MMP11: variants seen among roughly 807,000 people sequenced by gnomAD.
The protein encoded by MMP11 is stromelysin-3.
A neutral mutation model predicts 49.5 loss-of-function variants in MMP11; 26 were observed. The observed-to-expected ratio is 0.52, with a 90% CI of 0.38 to 0.73. The LOEUF (loss-of-function observed/expected upper bound fraction) is 0.73. MMP11 is among the 30% of genes least tolerant of loss of function. MMP11 has a pLI of 0.00. For synonymous variants in MMP11, 265 were observed against 282.3 expected (o/e 0.94, Z 0.62); for missense variants, 624 against 671.2 (o/e 0.93, Z 0.78).
At chr22:23,778,537 G>C (rs1927495393) in intron 1 of MMP11, among the ~76,000 whole-genome samples, 1 of 152,214 alleles carries the variant, frequency 6.6e-6, no homozygotes, top group Non-Finnish European at 1.5e-5. Context: ...CAGTGGCCAG[G>C]TGCCTTCCCG....
chr22:23,781,707 C>A, intron 6 of MMP11: 2 of 652,944 alleles, frequency 3.1e-6, no homozygotes, highest in South Asian at 1.6e-5. Flanking sequence ...GCCTCTGGGG[C>A]CCCGAGGCAG....
At chr22:23,781,472 G>A in intron 6 of MMP11, 63 bp downstream of exon 6, 1 of 1,453,774 alleles carries the variant, frequency 6.9e-7, no homozygotes, top group East Asian at 2.5e-5. Context: ...ATGGCCAAGG[G>A]CAGGAACAGA....
intron 7 of MMP11, 58 bp from the exon 8 acceptor site, chr22:23,783,353 C>T: frequency 6.2e-7 from 1 of 1,600,112 alleles, no homozygotes; most frequent in Non-Finnish European, 8.6e-7. Flanking sequence ...CACAGCCTGA[C>T]AGGCAGGAGT....
rs1440090930 is a variant in MMP11, at chr22:23,779,080, C to T, written c.109-107C>T. Reference sequence around the variant, plus strand: ...CTTTCCCTCTCCATTTGCCCAGCCACACAGTGGGCTGGGGTTGCACGTGTG... The same window carrying T: ...CTTTCCCTCTCCATTTGCCCAGCCATACAGTGGGCTGGGGTTGCACGTGTG... On this transcript the variant is annotated intron_variant, in intron 1 of 7. Transcript: ENST00000215743. 5 of 885,726 alleles carry T rather than the reference C, an allele frequency of 5.6e-6. 1 individual carries two copies. The highest frequency in any genetic ancestry group is 3.3e-5 in the African/African-American group (2 of 60,742). 54.9% of individuals were successfully genotyped at this position (885,726 alleles called of 1,614,324 possible). A position where few individuals can be genotyped will look rare whatever the true frequency, so the allele number is the denominator to read the frequency against.
intron 2 of MMP11, chr22:23,779,696 C>CA (rs1221355737): frequency 5.8e-6 from 3 of 519,468 alleles, no homozygotes; most frequent in Non-Finnish European, 1.0e-5. Context: ...TTCAGTCACT[C>CA]AGGCAGCCTT....
Position 23,780,347 on chromosome 22 carries a change from A to G in MMP11, c.339-12A>G. The G allele has an allele frequency of 6.2e-7, 1 of 1,612,362 alleles. No individual in the cohort carries two copies. The highest frequency in any genetic ancestry group is 8.5e-7 in the Non-Finnish European group (1 of 1,180,004). On this transcript the variant is annotated splice_polypyrimidine_tract_variant and intron_variant, in intron 2 of 7. Coordinates refer to ENST00000215743, the MANE Select transcript of MMP11 (RefSeq NM_005940.5). This position sits in a 1 kb window ranked among gnomAD's most constrained non-coding sequence, Gnocchi z 4.6. ...CCTTCCCTGAGGCCCAGGCCCCTCC[A>G]TCTCCCTCCAGGATCCTTCGGTTCC...
Position 23,780,921 on chromosome 22 carries a change from A to G in MMP11, c.679A>G (p.Thr227Ala), listed in dbSNP as rs1927597698. ...FGHVLGLQHT[T>A]AAKALMSAFY... ...CCACGTGCTGGGGCTGCAGCACACAACAGCAGCCAAGGCCCTGATGTCCGC... is the reference window on the plus strand; with the variant it reads ...CCACGTGCTGGGGCTGCAGCACACAGCAGCAGCCAAGGCCCTGATGTCCGC... Residue 227 changes from threonine to alanine, a missense_variant, in exon 5 of 8, where the codon ACA becomes GCA. Physicochemically the swap from Thr to Ala is moderately conservative, Grantham distance 58 (BLOSUM62 0). Coordinates refer to ENST00000215743, the MANE Select transcript of MMP11 (RefSeq NM_005940.5). This position sits in a 1 kb window ranked among gnomAD's most constrained non-coding sequence, Gnocchi z 4.6. The G allele has an allele frequency of 1.2e-6, 2 of 1,613,886 alleles. No individual in the cohort carries two copies. Among genetic ancestry groups the G allele is most frequent in the Non-Finnish European group, 1.7e-6 (2 of 1,179,980 alleles).
chr22:23,783,272 T>A, intron 7 of MMP11, 139 bp from the exon 8 acceptor site: 1 of 1,017,626 alleles, frequency 9.8e-7, no homozygotes, highest in Non-Finnish European at 1.4e-6. Flanking sequence ...CCCTGGATCC[T>A]GCAGGACTCG....
chr22:23,779,163 C>A lies in MMP11; in HGVS notation c.109-24C>A. On this transcript the variant is annotated intron_variant, in intron 1 of 7. Coordinates refer to ENST00000215743, the MANE Select transcript of MMP11 (RefSeq NM_005940.5). The stretch of plus-strand genomic sequence containing the variant: ...CATGTGGACCTTAGGCCTGACCAGA[C>A]CCTCATGTCATCCTCCTGCCTAGGA... The A allele has an allele frequency of 1.9e-6, 3 of 1,542,288 alleles. No individual in the cohort carries two copies. The South Asian group carries it at 3.5e-5, about 18-fold the overall frequency.
chr22:23,782,490 T>G lies in MMP11; in HGVS notation c.1333+7T>G. The G allele has an allele frequency of 6.2e-7, 1 of 1,601,662 alleles. No homozygotes were observed. Among genetic ancestry groups the G allele is most frequent in the East Asian group, 2.2e-5 (1 of 44,498 alleles). On this transcript the variant is annotated splice_region_variant and intron_variant, in intron 7 of 7. Coordinates refer to ENST00000215743, the MANE Select transcript of MMP11 (RefSeq NM_005940.5). The stretch of plus-strand genomic sequence containing the variant: ...GCCTTCCAGGATGCTGATGGTGCGT[T>G]GGGGGTGAGGCAGCTGGTGGGAGGT...
Position 23,784,212 on chromosome 22 carries a change from G to A in MMP11, c.*668G>A, listed in dbSNP as rs947932711. The A allele has an allele frequency of 1.3e-5, 2 of 154,256 alleles. No homozygotes were observed. Among genetic ancestry groups the A allele is most frequent in the Non-Finnish European group, 2.9e-5 (2 of 69,188 alleles). The allele number at this position is 154,256 out of a possible 1,614,324, so 9.6% of individuals were successfully genotyped here. On this transcript the variant is annotated 3_prime_UTR_variant, in exon 8 of 8. Coordinates refer to ENST00000215743, the MANE Select transcript of MMP11 (RefSeq NM_005940.5). Reference sequence around the variant, plus strand: ...CTCCTGAAGCCCTTTTCGCAGCACTGCTATCCTCCAAAGCCATTGTAAATG... The same window carrying A: ...CTCCTGAAGCCCTTTTCGCAGCACTACTATCCTCCAAAGCCATTGTAAATG...
At chr22:23,781,433 TC>T in intron 6 of MMP11, 24 bp downstream of exon 6, 1 of 1,557,146 alleles carries the variant, frequency 6.4e-7, no homozygotes, top group Non-Finnish European at 8.7e-7. Flanking sequence ...GGGGATCTGC[TC>T]GAGAGACTTC....
chr22:23,782,613 C>T (rs1927680063), intron 7 of MMP11, 130 bp downstream of exon 7: 1 of 1,161,728 alleles, frequency 8.6e-7, no homozygotes, highest in Non-Finnish European at 1.2e-6. Context: ...TGTCCAGAGC[C>T]ATCTGCCCTC....
chr22:23,772,945 G>A lies in MMP11; in HGVS notation c.75G>A (p.Gln25=). The A allele has an allele frequency of 8.2e-7, 1 of 1,215,296 alleles. No individual in the cohort carries two copies. The highest frequency in any genetic ancestry group is 3.8e-5 in the East Asian group (1 of 26,456). The allele number at this position is 1,215,296 out of a possible 1,614,324, so 75.3% of individuals were successfully genotyped here. A position where few individuals can be genotyped will look rare whatever the true frequency, so the allele number is the denominator to read the frequency against. The change falls in exon 1 of 8, where the codon CAG becomes CAA. Residue 25 remains glutamine (Q), a synonymous_variant. Coordinates refer to ENST00000215743, the MANE Select transcript of MMP11 (RefSeq NM_005940.5). ...CCCCGATGCTGCTGCTGCTGCTCCA[G>A]CCGCCGCCGCTGCTGGCCCGGGCTC... ...LLPPMLLLLL[Q]PPPLLARALP...
intron 1 of MMP11, among the ~76,000 whole-genome samples, chr22:23,776,488 A>G (rs1017904522): frequency 4.6e-5 from 7 of 152,206 alleles, no homozygotes; most frequent in African/African-American, 1.7e-4. Context: ...ACCTGCCTGC[A>G]AAATGCCCGG....
At chr22:23,781,630 A>C (rs1468293545) in intron 6 of MMP11, 4 of 634,126 alleles carry the variant, frequency 6.3e-6, no homozygotes, top group African/African-American at 1.8e-5. Flanking sequence ...AAGGGATTGC[A>C]CGGTGGGGCC....
Position 23,779,377 on chromosome 22 carries a change from T to G in MMP11, c.299T>G (p.Leu100Arg). The G allele has an allele frequency of 6.2e-7, 1 of 1,613,064 alleles. No individual in the cohort carries two copies. Among genetic ancestry groups the G allele is most frequent in the Non-Finnish European group, 8.5e-7 (1 of 1,179,896 alleles). The part of the protein sequence containing the change: ...SARNRQKRFV[L>R]SGGRWEKTDL... ...CGCAACCGACAGAAGAGGTTCGTGCTTTCTGGCGGGCGCTGGGAGAAGACG... is the reference window on the plus strand; with the variant it reads ...CGCAACCGACAGAAGAGGTTCGTGCGTTCTGGCGGGCGCTGGGAGAAGACG... The change falls in exon 2 of 8, where the codon CTT (leucine) becomes CGT (arginine). Residue 100 changes from leucine to arginine, a missense_variant. Transcript: ENST00000215743.
At chr22:23,779,748 G>C in intron 2 of MMP11, 1 of 407,442 alleles carries the variant, frequency 2.5e-6, no homozygotes, top group Non-Finnish European at 4.5e-6. Flanking sequence ...ACTCCACGGT[G>C]AATGAGGCAG....
In MMP11 at chr22:23,781,030, C is replaced by T; in HGVS notation, c.788C>T (p.Thr263Ile). ...VQHLYGQPWP[T>I]VTSRTPALGP... ...CACCTATATGGCCAGCCCTGGCCCA[C>T]TGTCACCTCCAGGACCCCAGCCCTG... Residue 263 changes from threonine (T) to isoleucine (I), a missense_variant, in exon 5 of 8, where the codon ACT becomes ATT. Transcript: ENST00000215743. 6.2e-7 allele frequency: 1 copy of T among 1,612,310 alleles called. No individual in the cohort carries two copies. The highest frequency in any genetic ancestry group is 8.5e-7 in the Non-Finnish European group (1 of 1,180,008).
Sources: allele counts gnomAD v4.1 joint callset (sites outside exome capture counted in the v4.1 genomes callset), GRCh38; gene constraint gnomAD v4.1.1; non-coding constraint Gnocchi (gnomAD v3.1); transcripts MANE v1.5; gene names NCBI Gene and HGNC (gene_info 2026-07-23, HGNC 2026-07-21).